BRMS1L: variants seen among roughly 807,000 people sequenced by gnomAD.
BRMS1L encodes the protein BRMS1 like transcriptional repressor, also known as breast cancer metastasis-suppressor 1-like protein.
A neutral mutation model predicts 50.3 loss-of-function variants in BRMS1L; 23 were observed. The ratio of observed to expected loss-of-function variants is 0.46; its 90% confidence interval spans 0.33 to 0.65. The LOEUF (loss-of-function observed/expected upper bound fraction) is 0.65. Ranked by LOEUF, BRMS1L falls within the 30% of genes least tolerant of loss-of-function variation. The probability of loss-of-function intolerance (pLI) is 0.02; values close to 1 mark genes in which losing one functional copy is unlikely to be tolerated. For synonymous variants in BRMS1L, 114 were observed against 126.9 expected, an observed-to-expected ratio of 0.90 and a Z score of 0.69; for missense variants, 286 against 386.1, an observed-to-expected ratio of 0.74 and a Z score of 2.17.
At chr14:35,861,039 A>AT (rs1334688596) in intron 4 of BRMS1L, among the ~76,000 whole-genome samples, 1 of 152,146 alleles carries the variant, frequency 6.6e-6, no homozygotes, top group African/African-American at 2.4e-5. Context: ...TTAGGGCTTC[A>AT]TTTTCCATTC....
intron 4 of BRMS1L, among the ~76,000 whole-genome samples, chr14:35,845,338 T>A (rs2078119708): frequency 2.6e-5 from 4 of 152,214 alleles, no homozygotes; most frequent in Admixed American, 2.6e-4. Context: ...TTCCAACAAG[T>A]ATGATATTTT....
At chr14:35,834,474 T>C (rs1281139373) in intron 3 of BRMS1L, among the ~76,000 whole-genome samples, 5 of 152,172 alleles carry the variant, frequency 3.3e-5, no homozygotes, top group African/African-American at 9.7e-5. Context: ...GTATATGTGA[T>C]TGATGACACC....
chr14:35,847,142 TTTTATA>T (rs2078146121), intron 4 of BRMS1L, among the ~76,000 whole-genome samples: 1 of 151,880 alleles, frequency 6.6e-6, no homozygotes, highest in Non-Finnish European at 1.5e-5. Context: ...CCTGGCTACT[TTTTATA>T]TTTATTTTTT....
intron 4 of BRMS1L, among the ~76,000 whole-genome samples, chr14:35,860,815 G>A (rs1190091128): frequency 2.0e-5 from 3 of 152,210 alleles, no homozygotes; most frequent in Non-Finnish European, 2.9e-5. Flanking sequence ...ATGAGAAACA[G>A]CATAGGCGTC....
Position 35,865,727 on chromosome 14 carries a change from G to T in BRMS1L, c.693G>T (p.Met231Ile). ...TTTTTTTTTTTTTAATTAAGGCAAT[G>T]GCTACATTGGGGCCACACAGAGTGA... ...LEDWTTIRKA[M>I]ATLGPHRVKT... The change falls in exon 8 of 10, where the codon ATG becomes ATT. Residue 231 changes from methionine (M) to isoleucine (I), a missense_variant. Physicochemically the swap from Met to Ile is conservative, Grantham distance 10. Coordinates refer to ENST00000216807, the MANE Select transcript of BRMS1L (RefSeq NM_032352.4). The T allele has an allele frequency of 6.3e-7, 1 of 1,582,664 alleles. No homozygotes were observed. The highest frequency in any genetic ancestry group is 8.5e-7 in the Non-Finnish European group (1 of 1,171,564).
rs2078404663 is a variant in BRMS1L, at chr14:35,865,122, C to T, written c.687+123C>T. 7.6e-6 allele frequency: 5 copies of T among 655,516 alleles called. No homozygotes were observed. In the Admixed American group the frequency reaches 1.7e-4, roughly 23 times the overall value. 40.6% of individuals were successfully genotyped at this position (655,516 alleles called of 1,614,324 possible). A position where few individuals can be genotyped will look rare whatever the true frequency, so the allele number is the denominator to read the frequency against. On this transcript the variant is annotated intron_variant, in intron 7 of 9. Transcript: ENST00000216807. ...TATGCTTTGCTTTTGCAACATTTTT[C>T]TAAGGCAATTTAATACTATTACAGA...
chr14:35,863,810 C>A, intron 5 of BRMS1L, 60 bp from the exon 6 acceptor site: 1 of 1,483,274 alleles, frequency 6.7e-7, no homozygotes, highest in South Asian at 1.2e-5. Context: ...AAATTAGAGT[C>A]TTTTTTCCTC....
rs747610810 is a variant in BRMS1L, at chr14:35,865,714, T to TA, written c.688-6dup. On this transcript the variant is annotated splice_polypyrimidine_tract_variant and splice_region_variant and intron_variant, in intron 7 of 9. Coordinates refer to ENST00000216807, the MANE Select transcript of BRMS1L (RefSeq NM_032352.4). Reference sequence around the variant, plus strand: ...CTTTCTTCCTCTTTTTTTTTTTTTTTAATTAAGGCAATGGCTACATTGGGG... The same window carrying TA: ...CTTTCTTCCTCTTTTTTTTTTTTTTTAAATTAAGGCAATGGCTACATTGGGG... The TA allele has an allele frequency of 2.1e-5, 33 of 1,568,030 alleles. No homozygotes were observed. The highest frequency in any genetic ancestry group is 2.7e-5 in the Non-Finnish European group (32 of 1,164,320).
At chr14:35,843,980 A>G (rs1329960464) in intron 4 of BRMS1L, among the ~76,000 whole-genome samples, 1 of 152,080 alleles carries the variant, frequency 6.6e-6, no homozygotes, top group Non-Finnish European at 1.5e-5. Context: ...GGCTTTGTTT[A>G]CACTGTGAGG....
At chr14:35,840,246 T>C (rs2078045613) in intron 4 of BRMS1L, among the ~76,000 whole-genome samples, 1 of 152,228 alleles carries the variant, frequency 6.6e-6, no homozygotes, top group Non-Finnish European at 1.5e-5. Flanking sequence ...GATAAGCTTT[T>C]TGATGTGCTG....
intron 7 of BRMS1L, among the ~76,000 whole-genome samples, chr14:35,865,511 G>A (rs2078409000): frequency 6.6e-6 from 1 of 152,000 alleles, no homozygotes; most frequent in South Asian, 2.1e-4. Flanking sequence ...ATTATTTCAG[G>A]TATTGAAAAC....
chr14:35,845,724 C>G (rs2078124799), intron 4 of BRMS1L, among the ~76,000 whole-genome samples: 1 of 152,096 alleles, frequency 6.6e-6, no homozygotes. Flanking sequence ...TACATCTTGT[C>G]TTTGTGATAT....
intron 4 of BRMS1L, among the ~76,000 whole-genome samples, chr14:35,860,572 G>T: frequency 6.9e-6 from 1 of 145,292 alleles, no homozygotes; most frequent in Non-Finnish European, 1.5e-5. Flanking sequence ...TTCCAGTGCA[G>T]TATGCTTAAA....
At chr14:35,843,446 G>T (rs758732279) in intron 4 of BRMS1L, among the ~76,000 whole-genome samples, 15 of 152,190 alleles carry the variant, frequency 9.9e-5, no homozygotes, top group Non-Finnish European at 2.1e-4. Flanking sequence ...CCCCTCTGCT[G>T]CAGGTCTGCT....
At position 35,863,859 on chromosome 14, in the gene BRMS1L, T is replaced by C. The variant is rs1292458303; in HGVS notation, c.539-11T>C. 1.9e-6 allele frequency: 3 copies of C among 1,611,064 alleles called. No individual in the cohort carries two copies. In the Admixed American group the frequency reaches 5.1e-5, roughly 27 times the overall value. On this transcript the variant is annotated splice_polypyrimidine_tract_variant and intron_variant, in intron 5 of 9. Transcript: ENST00000216807. ...AAACCCACTAATACTTAATCTTTAT[T>C]TACCTGCCAGAGCTGTGGAATGATG...
intron 4 of BRMS1L, among the ~76,000 whole-genome samples, chr14:35,846,401 A>G (rs2078134913): frequency 6.6e-6 from 1 of 151,700 alleles, no homozygotes; most frequent in Non-Finnish European, 1.5e-5. Flanking sequence ...GTCTAAAAAA[A>G]AAAAAAAAGA....
intron 4 of BRMS1L, among the ~76,000 whole-genome samples, chr14:35,849,396 T>C (rs2078179533): frequency 6.6e-6 from 1 of 152,146 alleles, no homozygotes; most frequent in African/African-American, 2.4e-5. Flanking sequence ...CAAGCAGCTC[T>C]CTCACCTCAG....
intron 4 of BRMS1L, among the ~76,000 whole-genome samples, chr14:35,853,022 A>C (rs2078233729): frequency 2.5e-5 from 3 of 119,414 alleles, no homozygotes; most frequent in South Asian, 2.5e-4. Flanking sequence ...ATCTATATAT[A>C]GAGAGAGAGA....
At chr14:35,832,884 A>C in intron 2 of BRMS1L, 94 bp from the exon 3 acceptor site, 7 of 1,105,504 alleles carry the variant, frequency 6.3e-6, no homozygotes, top group Non-Finnish European at 8.9e-6. Context: ...ATTAGAATAT[A>C]AATGATATTG....
Sources: allele counts gnomAD v4.1 joint callset (sites outside exome capture counted in the v4.1 genomes callset), GRCh38; gene constraint gnomAD v4.1.1; transcripts MANE v1.5; gene names NCBI Gene and HGNC (gene_info 2026-07-23, HGNC 2026-07-21).